GALNT8: variants seen among roughly 807,000 people sequenced by gnomAD.
The protein encoded by GALNT8 is polypeptide N-acetylgalactosaminyltransferase 8.
A neutral mutation model predicts 62.7 loss-of-function variants in GALNT8; 66 were observed. That is an observed-to-expected ratio of 1.05 (90% CI 0.86 to 1.29). GALNT8 has a LOEUF of 1.29. Among genes scored for constraint, GALNT8 ranks in the 50% most tolerant of loss-of-function variants. The probability of loss-of-function intolerance (pLI) is 0.00; values close to 1 mark genes in which losing one functional copy is unlikely to be tolerated. For synonymous variants in GALNT8, 288 were observed against 294.3 expected, an observed-to-expected ratio of 0.98 and a Z score of 0.22; for missense variants, 771 against 791.8, an observed-to-expected ratio of 0.97 and a Z score of 0.32.
rs550941441 is a variant in GALNT8, at chr12:4,771,702, G to A, written c.1762-743G>A. Among the ~76,000 whole-genome samples the A allele has an allele frequency of 4.3e-3, 658 of 152,264 alleles. 4 individuals carry two copies. The highest frequency in any genetic ancestry group is 7.8e-3 in the Non-Finnish European group (531 of 68,000). On this transcript the variant is annotated intron_variant, in intron 10 of 10. Coordinates refer to ENST00000252318, the MANE Select transcript of GALNT8 (RefSeq NM_017417.2). ...CCAGGCAGTAATGTAGATCATGTGAGTCCTGCAAAGGGTGGAGAGGGAACG... is the reference window on the plus strand; with the variant it reads ...CCAGGCAGTAATGTAGATCATGTGAATCCTGCAAAGGGTGGAGAGGGAACG...
chr12:4,765,429 A>G lies in GALNT8; in HGVS notation c.1644A>G (p.Ala548=). Residue 548 remains alanine, a synonymous_variant, in exon 10 of 11, where the codon GCA becomes GCG. Coordinates refer to ENST00000252318, the MANE Select transcript of GALNT8 (RefSeq NM_017417.2). ...TGELYVGQLI[A]EASASDRCLT... is the part of the protein sequence containing the mutation. ...AGCTCTATGTGGGACAACTGATTGC[A>G]GAGGCCAGTGCTAGTGATCGCTGCC... 6.2e-7 allele frequency: 1 copy of G among 1,608,644 alleles called. No homozygotes were observed. Among genetic ancestry groups the G allele is most frequent in the Non-Finnish European group, 8.5e-7 (1 of 1,179,112 alleles).
intron 3 of GALNT8, among the ~76,000 whole-genome samples, chr12:4,742,620 G>T (rs560401220): frequency 1.3e-5 from 2 of 152,176 alleles, no homozygotes; most frequent in Non-Finnish European, 2.9e-5. Flanking sequence ...GGGGTGTGGG[G>T]TGTGGTGATC....
rs71579269 is a variant in GALNT8 at position 4,746,199 on chromosome 12, G to A, written c.1114G>A (p.Gly372Arg). The change falls in exon 6 of 11, where the codon GGG becomes AGG. Residue 372 changes from glycine (G) to arginine (R), a missense_variant. Coordinates refer to ENST00000252318, the MANE Select transcript of GALNT8 (RefSeq NM_017417.2). ...TAACAGGCACTTCCTGGGAGAGATCGGGTCTCTGGATGGTGGAATGCTCAT... is the reference window on the plus strand; with the variant it reads ...TAACAGGCACTTCCTGGGAGAGATCAGGTCTCTGGATGGTGGAATGCTCAT... ...AANRHFLGEI[G>R]SLDGGMLIYG... 7 of 1,613,448 alleles carry A rather than the reference G, an allele frequency of 4.3e-6. No individual in the cohort carries two copies. The highest frequency in any genetic ancestry group is 1.7e-5 in the Admixed American group (1 of 59,994).
At chr12:4,770,379 A>T (rs1466558788) in intron 10 of GALNT8, among the ~76,000 whole-genome samples, 1 of 152,172 alleles carries the variant, frequency 6.6e-6, no homozygotes, top group Non-Finnish European at 1.5e-5. Context: ...ATACAGATGA[A>T]CACAATTTGA....
At chr12:4,739,114 T>C (rs1946258742) in intron 2 of GALNT8, 49 bp from the exon 3 acceptor site, 1 of 1,155,544 alleles carries the variant, frequency 8.7e-7, no homozygotes, top group Admixed American at 2.0e-5. Context: ...GATAGCAGTG[T>C]TGAAGTAATT....
intron 6 of GALNT8, among the ~76,000 whole-genome samples, chr12:4,752,650 A>G (rs2137536314): frequency 6.6e-6 from 1 of 151,624 alleles, no homozygotes; most frequent in East Asian, 1.9e-4. Flanking sequence ...TTTTGTAGTT[A>G]TTATTGTTGA....
rs1469961646 is a variant in GALNT8 at position 4,726,269 on chromosome 12, T to C, written c.212-263T>C. Among the ~76,000 whole-genome samples the C allele has an allele frequency of 1.3e-5, 2 of 152,184 alleles. No individual in the cohort carries two copies. Among genetic ancestry groups the C allele is most frequent in the Non-Finnish European group, 2.9e-5 (2 of 68,032 alleles). ...CATCTGTTTCTCAGATCATAGTCAG[T>C]TCTTCGAGGAGCTTTGAAGATGTGG... On this transcript the variant is annotated intron_variant, in intron 1 of 10. Transcript: ENST00000252318. The surrounding 1 kb of genome is among the most constrained non-coding windows in gnomAD (Gnocchi z 4.1).
chr12:4,727,746 T>C (rs1946202957), intron 2 of GALNT8, among the ~76,000 whole-genome samples: 1 of 152,236 alleles, frequency 6.6e-6, no homozygotes, highest in African/African-American at 2.4e-5. Context: ...ACCTACCGCA[T>C]TTCCTTTATC....
At chr12:4,723,933 G>A (rs1268617458) in intron 1 of GALNT8, among the ~76,000 whole-genome samples, 1 of 151,768 alleles carries the variant, frequency 6.6e-6, no homozygotes, top group Non-Finnish European at 1.5e-5. Flanking sequence ...GGTGGATCAC[G>A]AGGTCAGGAG....
At chr12:4,742,671 T>G (rs1409882186) in intron 3 of GALNT8, among the ~76,000 whole-genome samples, 1 of 152,054 alleles carries the variant, frequency 6.6e-6, no homozygotes, top group Non-Finnish European at 1.5e-5. Flanking sequence ...GATTGGGACT[T>G]GAAGGCGTCA....
At chr12:4,740,587 C>G (rs1565384508) in intron 3 of GALNT8, among the ~76,000 whole-genome samples, 1 of 152,098 alleles carries the variant, frequency 6.6e-6, no homozygotes, top group Non-Finnish European at 1.5e-5. Context: ...CCACACCCAG[C>G]TGATTTTTGT....
At chr12:4,728,379 A>G (rs1276039317) in intron 2 of GALNT8, among the ~76,000 whole-genome samples, 2 of 151,886 alleles carry the variant, frequency 1.3e-5, no homozygotes, top group African/African-American at 4.8e-5. Flanking sequence ...ATGATGTCCA[A>G]TTTATCTATT....
intron 3 of GALNT8, among the ~76,000 whole-genome samples, chr12:4,744,251 G>C (rs2137531288): frequency 6.6e-6 from 1 of 152,260 alleles, no homozygotes; most frequent in Admixed American, 6.5e-5. Context: ...ACTTATAACA[G>C]TGCCTGACAC....
chr12:4,750,047 T>C (rs1946315960), intron 6 of GALNT8, among the ~76,000 whole-genome samples: 1 of 152,120 alleles, frequency 6.6e-6, no homozygotes, highest in Non-Finnish European at 1.5e-5. Flanking sequence ...TATTCTCTCT[T>C]TTTTTCTTAG....
At chr12:4,764,719 A>AT (rs750518123) in intron 9 of GALNT8, among the ~76,000 whole-genome samples, 4,169 of 129,476 alleles carry the variant, frequency 0.032, 179 homozygotes, top group African/African-American at 0.11. Flanking sequence ...AATTTTTTGT[A>AT]TTTTTTTTTT....
chr12:4,767,423 T>C (rs929531752), intron 10 of GALNT8, among the ~76,000 whole-genome samples: 3 of 152,236 alleles, frequency 2.0e-5, no homozygotes, highest in Admixed American at 6.5e-5. Flanking sequence ...CCTGGAGATA[T>C]TAGCTTGAAA....
At chr12:4,760,857 C>T (rs1946368210) in intron 6 of GALNT8, 101 bp from the exon 7 acceptor site, 2 of 941,322 alleles carry the variant, frequency 2.1e-6, no homozygotes, top group African/African-American at 1.6e-5. Flanking sequence ...ACTGAGCTTA[C>T]ATTCTTTAAA....
intron 3 of GALNT8, 21 bp downstream of exon 3, chr12:4,739,350 A>G: frequency 3.1e-6 from 5 of 1,602,232 alleles, no homozygotes; most frequent in Non-Finnish European, 3.4e-6. Context: ...TGATCAAAGA[A>G]TAATTGTAAA....
At chr12:4,764,847 T>A (rs1306216314) in intron 9 of GALNT8, among the ~76,000 whole-genome samples, 2 of 100,484 alleles carry the variant, frequency 2.0e-5, no homozygotes, top group East Asian at 5.8e-4. Context: ...CCGCCGCACC[T>A]GGCCTGGACA....
Sources: allele counts gnomAD v4.1 joint callset (sites outside exome capture counted in the v4.1 genomes callset), GRCh38; gene constraint gnomAD v4.1.1; non-coding constraint Gnocchi (gnomAD v3.1); transcripts MANE v1.5; gene names NCBI Gene and HGNC (gene_info 2026-07-23, HGNC 2026-07-21).